The following SSBP3 variants were observed in gnomAD, a reference collection of about 807,000 sequenced individuals.
SSBP3 encodes the protein single-stranded DNA-binding protein 3.
SSBP3 carries 5 observed loss-of-function variants against 69.6 expected under a neutral mutation model. The observed-to-expected ratio is 0.07, with a 90% CI of 0.04 to 0.15. SSBP3 has a LOEUF of 0.15. SSBP3 is among the 10% of genes least tolerant of loss of function. SSBP3 has a pLI of 1.00. For missense variants in SSBP3, 312 were observed against 534.0 expected, an observed-to-expected ratio of 0.58 and a Z score of 4.10; for synonymous variants, 196 against 193.4, an observed-to-expected ratio of 1.01 and a Z score of -0.11.
At chr1:54,408,163 G>GA (rs1433592062), upstream of SSBP3, among the ~76,000 whole-genome samples, 1 of 152,106 alleles carries the variant, frequency 6.6e-6, no homozygotes, top group African/African-American at 2.4e-5. Context: ...GAAAGGGGCA[G>GA]AAAAAAGGAA....
At chr1:54,340,608 G>A (rs2100518644) in intron 4 of SSBP3, among the ~76,000 whole-genome samples, 1 of 152,362 alleles carries the variant, frequency 6.6e-6, no homozygotes, top group South Asian at 2.1e-4. Context: ...TGGGAATGGT[G>A]CAAATTTTGC....
intron 17 of SSBP3, among the ~76,000 whole-genome samples, chr1:54,227,649 C>CT (rs1169091489): frequency 1.3e-5 from 2 of 152,162 alleles, no homozygotes; most frequent in Non-Finnish European, 2.9e-5. Context: ...GCGATCAAGG[C>CT]TTACAGCAGC....
At chr1:54,335,813 TG>T (rs1646497813) in intron 4 of SSBP3, 1 of 152,282 alleles carries the variant, frequency 6.6e-6, no homozygotes, top group Non-Finnish European at 1.5e-5. Context: ...GGTCAGCTCT[TG>T]TCGCTTCTCC....
intron 4 of SSBP3, among the ~76,000 whole-genome samples, chr1:54,316,601 A>C (rs1646103145): frequency 6.9e-6 from 1 of 143,890 alleles, no homozygotes; most frequent in Non-Finnish European, 1.5e-5. Flanking sequence ...AGATTGCGCC[A>C]CTGCAGTCCG....
chr1:54,360,487 G>A (rs1464420431), intron 4 of SSBP3, among the ~76,000 whole-genome samples: 2 of 152,140 alleles, frequency 1.3e-5, no homozygotes, highest in East Asian at 1.9e-4. Flanking sequence ...CGCTGGAAGG[G>A]GCTCAGGGGT....
At chr1:54,290,750 C>T (rs1464377667) in intron 4 of SSBP3, among the ~76,000 whole-genome samples, 13 of 152,234 alleles carry the variant, frequency 8.5e-5, no homozygotes, top group Non-Finnish European at 1.8e-4. Context: ...ATCTGGGCCC[C>T]ATGGCACAGG....
chr1:54,227,124 G>C, exon 18 of SSBP3: 2 of 1,592,154 alleles, frequency 1.3e-6, no homozygotes, highest in Non-Finnish European at 1.7e-6. Flanking sequence ...TCTCGGAGAA[G>C]GGGGGATCAC....
At chr1:54,371,581 C>A (rs533449595) in intron 4 of SSBP3, among the ~76,000 whole-genome samples, 2 of 152,314 alleles carry the variant, frequency 1.3e-5, no homozygotes, top group Admixed American at 1.3e-4. Flanking sequence ...ACTCTCCACC[C>A]CCAAGCTACC....
At chr1:54,312,891 T>A (rs1646028547) in intron 4 of SSBP3, among the ~76,000 whole-genome samples, 1 of 152,130 alleles carries the variant, frequency 6.6e-6, no homozygotes, top group African/African-American at 2.4e-5. Context: ...GAAATGTCTC[T>A]TCCACTTTGA....
intron 7 of SSBP3, among the ~76,000 whole-genome samples, chr1:54,253,186 G>GT (rs1491370826): frequency 0.029 from 3,365 of 115,112 alleles, 252 homozygotes; most frequent in African/African-American, 0.088. Context: ...TTTTTTTTTA[G>GT]TTTTTGTTTT....
At chr1:54,243,130 G>T in intron 10 of SSBP3, 105 bp downstream of exon 10, 1 of 1,002,718 alleles carries the variant, frequency 1.0e-6, no homozygotes, top group African/African-American at 1.6e-5. Context: ...CTGAGGTCCA[G>T]AGAGGTACCA....
intron 4 of SSBP3, among the ~76,000 whole-genome samples, chr1:54,308,636 C>T (rs190761275): frequency 4.7e-4 from 70 of 150,172 alleles, no homozygotes; most frequent in African/African-American, 1.5e-3. Context: ...GGCGTGGTGG[C>T]GCACACCTGT....
upstream of SSBP3, chr1:54,406,496 C>CGGGCCCGGGCCGGCTGGGAGGG (rs1553151838): frequency 4.6e-5 from 7 of 152,266 alleles, no homozygotes; most frequent in Admixed American, 4.6e-4. Flanking sequence ...CACGCGGGGG[C>CGGGCCCGGGCCGGCTGGGAGGG]GGGCCCGGGC....
At chr1:54,273,030 C>T (rs982294221) in intron 5 of SSBP3, among the ~76,000 whole-genome samples, 1 of 152,226 alleles carries the variant, frequency 6.6e-6, no homozygotes, top group Admixed American at 6.5e-5. Context: ...TCCCATCCTG[C>T]ACTTGGGAGG....
chr1:54,376,501 C>A (rs932117903), intron 4 of SSBP3, among the ~76,000 whole-genome samples: 6 of 152,170 alleles, frequency 3.9e-5, no homozygotes, highest in Non-Finnish European at 8.8e-5. Flanking sequence ...CTAATTCTCT[C>A]AATGAAATGC....
rs148703018 is a variant in SSBP3 at position 54,281,481 on chromosome 1, T to C, written c.323A>G (p.Asn108Ser). The change falls in exon 5 of 18, where the codon AAC (asparagine) becomes AGC (serine). Residue 108 changes from asparagine (N) to serine (S), a missense_variant. Asn to Ser is a conservative substitution (Grantham distance 46, BLOSUM62 1). Coordinates refer to ENST00000610401, the Ensembl canonical transcript of SSBP3. ...GATGGGGCCTCCCGGCATCCCATCG[T>C]TGGGGGGAATGTTGCCAAGCACGGG... is the stretch of plus-strand genomic sequence containing the variant. 2.0e-4 allele frequency: 317 copies of C among 1,570,414 alleles called. No individual in the cohort carries two copies. Among genetic ancestry groups the C allele is most frequent in the Non-Finnish European group, 2.6e-4 (305 of 1,157,924 alleles).
At chr1:54,338,274 C>A (rs1464860761) in intron 4 of SSBP3, among the ~76,000 whole-genome samples, 2 of 152,226 alleles carry the variant, frequency 1.3e-5, no homozygotes, top group Non-Finnish European at 2.9e-5. Flanking sequence ...GCTTGCCTTG[C>A]ATATGCTAAA....
At chr1:54,319,019 T>C (rs551022452) in intron 4 of SSBP3, among the ~76,000 whole-genome samples, 15 of 152,168 alleles carry the variant, frequency 9.9e-5, no homozygotes, top group African/African-American at 3.4e-4. Flanking sequence ...TTTGGCCGAA[T>C]CCTTAGTGTT....
rs1341981378 is a variant in SSBP3 at position 54,234,812 on chromosome 1, G to A, written c.927+4317C>T. ...GGAGTCTGGCTCTGTCATCCAGGCT[G>A]GAGTGCAGTGGCATGATCATGGCTC... On this transcript the variant is annotated intron_variant, in intron 14 of 17. Coordinates refer to ENST00000610401, the Ensembl canonical transcript of SSBP3. 1.3e-5 allele frequency among the ~76,000 whole-genome samples: 2 copies of A among 151,190 alleles called. 1 individual carries two copies. Among genetic ancestry groups the A allele is most frequent in the Admixed American group, 1.3e-4 (2 of 15,176 alleles).
Sources: gnomAD v4.1 joint callset for allele counts (sites outside exome capture counted in the v4.1 genomes callset) on GRCh38, gnomAD v4.1.1 for gene constraint, MANE v1.5 for transcripts, NCBI Gene and HGNC (gene_info 2026-07-23, HGNC 2026-07-21) for gene names.